Variants in NUP50 observed in about 807,000 individuals in gnomAD.
NUP50 encodes nuclear pore complex protein Nup50.
NUP50 carries 14 observed loss-of-function variants against 36.8 expected under a neutral mutation model. The observed-to-expected ratio is 0.38, with a 90% CI of 0.25 to 0.59. The LOEUF (loss-of-function observed/expected upper bound fraction) is 0.59. Ranked by LOEUF, NUP50 falls within the 20% of genes least tolerant of loss-of-function variation. NUP50 has a pLI of 0.63. For missense variants in NUP50, 455 were observed against 564.6 expected (o/e 0.81, Z 1.97); for synonymous variants, 195 against 210.8 (o/e 0.93, Z 0.65).
chr22:45,176,211 G>A (rs2074274797), intron 4 of NUP50, 131 bp downstream of exon 4: 1 of 1,005,058 alleles, frequency 9.9e-7, no homozygotes, highest in African/African-American at 1.6e-5. Flanking sequence ...TAATGAAAGA[G>A]ATGGAACTTA....
chr22:45,166,741 ATTTGTT>A (rs2074101138), intron 1 of NUP50, among the ~76,000 whole-genome samples: 3 of 109,452 alleles, frequency 2.7e-5, no homozygotes, highest in Admixed American at 2.7e-4. Context: ...CTATTCCTGT[ATTTGTT>A]TTTGTTTGTA....
At position 45,168,123 on chromosome 22, in the gene NUP50, T is replaced by G. The variant is rs1601766755; in HGVS notation, c.-10-45T>G. 7 of 1,399,050 alleles carry G rather than the reference T, an allele frequency of 5.0e-6. No homozygotes were observed. In the East Asian group the frequency reaches 1.6e-4, roughly 32 times the overall value. 86.7% of individuals were successfully genotyped at this position (1,399,050 alleles called of 1,614,324 possible). A position where few individuals can be genotyped will look rare whatever the true frequency, so the allele number is the denominator to read the frequency against. ...GAATTTTTAAAATTCTTTATAAGAA[T>G]TTATTCTTCTAGAAAAATAAACTCT... On this transcript the variant is annotated intron_variant, in intron 1 of 7. Transcript: ENST00000347635.
chr22:45,168,641 G>A (rs975547444), intron 2 of NUP50, among the ~76,000 whole-genome samples: 1 of 152,168 alleles, frequency 6.6e-6, no homozygotes, highest in African/African-American at 2.4e-5. Flanking sequence ...CTGCCCAGAT[G>A]TGAAAGTGGT....
intron 2 of NUP50, among the ~76,000 whole-genome samples, chr22:45,170,693 G>A (rs183089343): frequency 1.3e-5 from 2 of 152,090 alleles, no homozygotes; most frequent in East Asian, 3.9e-4. Context: ...TTGGTTTTTT[G>A]TTGTTGTTGG....
rs1385957302 is a variant in NUP50 at position 45,178,788 on chromosome 22, T to G, written c.891T>G (p.Pro297=). 1.4e-5 allele frequency: 23 copies of G among 1,613,870 alleles called. No homozygotes were observed. Among genetic ancestry groups the G allele is most frequent in the Non-Finnish European group, 1.9e-5 (23 of 1,179,918 alleles). The change falls in exon 5 of 8, where the codon CCT becomes CCG. Residue 297 remains proline, a synonymous_variant. Transcript: ENST00000347635. ...SVPLTGFSFS[P]GNSSLFGKDT... ...CCCTGACTGGATTTTCTTTCTCCCCTGGAAACTCCAGTTTATTTGGCAAAG... is the reference window on the plus strand; with the variant it reads ...CCCTGACTGGATTTTCTTTCTCCCCGGGAAACTCCAGTTTATTTGGCAAAG...
At chr22:45,183,333 G>T (rs1242098282) in intron 6 of NUP50, 69 bp from the exon 7 acceptor site, 3 of 877,434 alleles carry the variant, frequency 3.4e-6, no homozygotes, top group East Asian at 4.8e-5. Flanking sequence ...GTGAAGAGTG[G>T]TTGTTAGAAA....
chr22:45,165,455 A>G (rs1030508614), intron 1 of NUP50, among the ~76,000 whole-genome samples: 3 of 152,202 alleles, frequency 2.0e-5, no homozygotes, highest in African/African-American at 7.2e-5. Flanking sequence ...CGTAGAGACC[A>G]AGTTGGTTTC....
chr22:45,172,996 C>G (rs931613975), intron 3 of NUP50, among the ~76,000 whole-genome samples: 8 of 152,102 alleles, frequency 5.3e-5, no homozygotes, highest in African/African-American at 1.9e-4. Flanking sequence ...TTTAGGATGC[C>G]ATGGCTAATG....
rs895047857 is a variant in NUP50 at position 45,186,263 on chromosome 22, T to C, written c.*1608T>C. 1.4e-4 allele frequency: 21 copies of C among 152,142 alleles called. No homozygotes were observed. Among genetic ancestry groups the C allele is most frequent in the African/African-American group, 4.6e-4 (19 of 41,414 alleles). The allele number at this position is 152,142 out of a possible 1,614,324, so 9.4% of individuals were successfully genotyped here. A position where few individuals can be genotyped will look rare whatever the true frequency, so the allele number is the denominator to read the frequency against. ...CAGATGCTGTCAGACATAGCGATAG[T>C]AGGCACCTAGGGAGGAAGTGGCCGT... is the stretch of plus-strand genomic sequence containing the variant. On this transcript the variant is annotated 3_prime_UTR_variant, in exon 8 of 8. Coordinates refer to ENST00000347635, the MANE Select transcript of NUP50 (RefSeq NM_007172.4).
At chr22:45,176,711 A>G (rs982847538) in intron 4 of NUP50, among the ~76,000 whole-genome samples, 1 of 152,130 alleles carries the variant, frequency 6.6e-6, no homozygotes, top group Non-Finnish European at 1.5e-5. Flanking sequence ...GTTTAGTGTG[A>G]TGTAAAATAA....
intron 2 of NUP50, among the ~76,000 whole-genome samples, chr22:45,169,259 A>G (rs1000570107): frequency 1.2e-4 from 18 of 152,136 alleles, no homozygotes; most frequent in African/African-American, 3.6e-4. Flanking sequence ...AGTCACAGCA[A>G]TTTGGGAAGC....
chr22:45,170,384 T>G (rs1406850636), intron 2 of NUP50, among the ~76,000 whole-genome samples: 1 of 152,152 alleles, frequency 6.6e-6, no homozygotes, highest in Non-Finnish European at 1.5e-5. Context: ...TCGTACCTTA[T>G]CAGCAGTGTG....
chr22:45,174,341 C>T (rs2074244698), intron 3 of NUP50, among the ~76,000 whole-genome samples: 1 of 152,092 alleles, frequency 6.6e-6, no homozygotes, highest in East Asian at 1.9e-4. Flanking sequence ...CCACACCCAG[C>T]TAATTTTTGC....
Position 45,171,324 on chromosome 22 carries a change from C to G in NUP50, c.70-276C>G, listed in dbSNP as rs969986303. Reference sequence around the variant, plus strand: ...AAGTGATTCTCCTGCCTCAGCCTCCCAGGTGGCTGGGATTACAGGTGCCCA... The same window carrying G: ...AAGTGATTCTCCTGCCTCAGCCTCCGAGGTGGCTGGGATTACAGGTGCCCA... On this transcript the variant is annotated intron_variant, in intron 2 of 7. Coordinates refer to ENST00000347635, the MANE Select transcript of NUP50 (RefSeq NM_007172.4). The G allele has an allele frequency of 8.2e-5, 46 of 560,806 alleles. 2 individuals are homozygous for G. Among genetic ancestry groups the G allele is most frequent in the African/African-American group, 8.0e-4 (41 of 51,430 alleles). 34.7% of individuals were successfully genotyped at this position (560,806 alleles called of 1,614,324 possible). A position where few individuals can be genotyped will look rare whatever the true frequency, so the allele number is the denominator to read the frequency against.
intron 6 of NUP50, among the ~76,000 whole-genome samples, chr22:45,183,015 C>T (rs2147706547): frequency 7.2e-6 from 1 of 138,736 alleles, no homozygotes; most frequent in Non-Finnish European, 1.5e-5. Context: ...TTATTTGTTC[C>T]TGTCTTTAGA....
At chr22:45,172,667 GT>G (rs1252359941) in intron 3 of NUP50, among the ~76,000 whole-genome samples, 1 of 152,042 alleles carries the variant, frequency 6.6e-6, no homozygotes, top group Non-Finnish European at 1.5e-5. Context: ...AAAAGAAATT[GT>G]TATTACAAAA....
At chr22:45,167,702 C>T (rs990682385) in intron 1 of NUP50, among the ~76,000 whole-genome samples, 1 of 152,026 alleles carries the variant, frequency 6.6e-6, no homozygotes, top group African/African-American at 2.4e-5. Context: ...GCCCGTTATT[C>T]GTATTCTTAC....
rs1227756330 is a variant in NUP50 at position 45,186,236 on chromosome 22, T to TA, written c.*1582dup. On this transcript the variant is annotated 3_prime_UTR_variant, in exon 8 of 8. Transcript: ENST00000347635. Reference sequence around the variant, plus strand: ...GTAGAGAGAGGTGAGCTTGTCCTGTTACAGATGCTGTCAGACATAGCGATA... The same window carrying TA: ...GTAGAGAGAGGTGAGCTTGTCCTGTTAACAGATGCTGTCAGACATAGCGATA... The TA allele has an allele frequency of 2.0e-5, 3 of 152,162 alleles. No individual in the cohort carries two copies. 9.4% of individuals were successfully genotyped at this position (152,162 alleles called of 1,614,324 possible). A position where few individuals can be genotyped will look rare whatever the true frequency, so the allele number is the denominator to read the frequency against.
rs2083462187 is a variant in NUP50, at chr22:45,187,505, A to G, written c.*2850A>G. 6.6e-6 allele frequency: 1 copy of G among 152,182 alleles called. No homozygotes were observed. Among genetic ancestry groups the G allele is most frequent in the Admixed American group, 6.5e-5 (1 of 15,276 alleles). The allele number at this position is 152,182 out of a possible 1,614,324, so 9.4% of individuals were successfully genotyped here. A position where few individuals can be genotyped will look rare whatever the true frequency, so the allele number is the denominator to read the frequency against. On this transcript the variant is annotated 3_prime_UTR_variant, in exon 8 of 8. Transcript: ENST00000347635. Reference sequence around the variant, plus strand: ...TACCTTACTAGTAGAGTTCAAAACAAGTTTTCACTGAGAGCCTTTTCAGTA... The same window carrying G: ...TACCTTACTAGTAGAGTTCAAAACAGGTTTTCACTGAGAGCCTTTTCAGTA...
Sources: allele counts gnomAD v4.1 joint callset (sites outside exome capture counted in the v4.1 genomes callset), GRCh38; gene constraint gnomAD v4.1.1; transcripts MANE v1.5; gene names NCBI Gene and HGNC (gene_info 2026-07-23, HGNC 2026-07-21).